Variants in TLL2 observed in about 807,000 individuals in gnomAD.
The protein encoded by TLL2 is tolloid-like protein 2.
TLL2 carries 106 observed loss-of-function variants against 123.0 expected under a neutral mutation model. The ratio of observed to expected loss-of-function variants is 0.86; its 90% CI spans 0.74 to 1.01. TLL2 has a LOEUF of 1.01. Among genes scored for constraint, TLL2 ranks in the 50% least tolerant of loss-of-function variants. The pLI is 0.00. For synonymous variants in TLL2, 494 were observed against 516.8 expected (o/e 0.96, Z 0.60); for missense variants, 1,332 against 1,336.7 (o/e 1.00, Z 0.06).
At chr10:96,373,435 C>T in intron 19 of TLL2, 161 bp downstream of exon 19, 1 of 693,382 alleles carries the variant, frequency 1.4e-6, no homozygotes, top group African/African-American at 1.8e-5. Flanking sequence ...GCCACCACGC[C>T]CAGCTTGATG....
intron 16 of TLL2, among the ~76,000 whole-genome samples, chr10:96,382,516 T>C (rs1473478641): frequency 6.6e-6 from 1 of 152,260 alleles, no homozygotes; most frequent in East Asian, 1.9e-4. Flanking sequence ...AAGAGGGTGC[T>C]ACGGTTTGAA....
At chr10:96,407,135 G>A (rs541843127) in intron 9 of TLL2, among the ~76,000 whole-genome samples, 60 of 151,992 alleles carry the variant, frequency 3.9e-4, no homozygotes, top group African/African-American at 1.4e-3. Flanking sequence ...AACCTCAGTG[G>A]CTCTCTGTGC....
chr10:96,432,384 C>T (rs972183343), intron 4 of TLL2, among the ~76,000 whole-genome samples: 1 of 152,134 alleles, frequency 6.6e-6, no homozygotes, highest in Non-Finnish European at 1.5e-5. Flanking sequence ...CCTTTGGTCA[C>T]TGAGTGGAAC....
At chr10:96,489,456 G>C (rs1847390691) in intron 1 of TLL2, among the ~76,000 whole-genome samples, 1 of 152,110 alleles carries the variant, frequency 6.6e-6, no homozygotes, top group Non-Finnish European at 1.5e-5. Flanking sequence ...TTGAATCCGG[G>C]AGGTTGAGGC....
chr10:96,421,718 T>C (rs1373335899), intron 6 of TLL2, among the ~76,000 whole-genome samples: 1 of 150,338 alleles, frequency 6.7e-6, no homozygotes, highest in African/African-American at 2.5e-5. Flanking sequence ...GTGCCTGTAA[T>C]CCCAGCTACT....
rs1847196303 is a variant in TLL2 at position 96,472,738 on chromosome 10, AAAATC to A, written c.286+7606_286+7610del. 3.9e-5 allele frequency among the ~76,000 whole-genome samples: 6 copies of A among 152,114 alleles called. 2 individuals are homozygous for A. The South Asian group carries it at 1.2e-3, about 32-fold the overall frequency. ...TGCACTCCAGCCTGAGTGACACAGC[AAAATC>A]CTGTCTCAAAAAAAAGAAAAAAAGA... is the stretch of plus-strand genomic sequence containing the variant. On this transcript the variant is annotated intron_variant, in intron 2 of 20. Coordinates refer to ENST00000357947, the MANE Select transcript of TLL2 (RefSeq NM_012465.4).
chr10:96,418,722 AATAT>A (rs1846589984), intron 7 of TLL2, among the ~76,000 whole-genome samples: 1 of 147,926 alleles, frequency 6.8e-6, no homozygotes, highest in Non-Finnish European at 1.5e-5. Flanking sequence ...TGTATATATA[AATAT>A]ATAAATTAAT....
At chr10:96,421,099 A>C in intron 6 of TLL2, 38 bp from the exon 7 acceptor site, 1 of 1,548,700 alleles carries the variant, frequency 6.5e-7, no homozygotes, top group Non-Finnish European at 8.9e-7. Context: ...TTGAAAACCA[A>C]GTCAGGCACC....
At chr10:96,408,093 C>A (rs1163524800) in intron 9 of TLL2, among the ~76,000 whole-genome samples, 1 of 152,198 alleles carries the variant, frequency 6.6e-6, no homozygotes, top group Non-Finnish European at 1.5e-5. Flanking sequence ...CCTTAGATTT[C>A]TGTCCTATCC....
chr10:96,468,986 C>T (rs1402407357), intron 2 of TLL2, among the ~76,000 whole-genome samples: 1 of 152,246 alleles, frequency 6.6e-6, no homozygotes, highest in Admixed American at 6.5e-5. Flanking sequence ...AGCAGATGTG[C>T]ACGTTATCAG....
chr10:96,376,750 G>C lies in TLL2; in HGVS notation c.2390C>G (p.Pro797Arg). Reference sequence around the variant, plus strand: ...GTTCCAGGTACACTCCCTCCGGCTGGGGTATTTGTCAGGCCAGTTGGGGCT... The same window carrying C: ...GTTCCAGGTACACTCCCTCCGGCTGCGGTATTTGTCAGGCCAGTTGGGGCT... ...LASPNWPDKY[P>R]SRRECTWNIS... The change falls in exon 18 of 21, where the codon CCC becomes CGC. Residue 797 changes from proline to arginine, a missense_variant. By Grantham distance (103) the Pro-to-Arg change is moderately radical. Coordinates refer to ENST00000357947, the MANE Select transcript of TLL2 (RefSeq NM_012465.4). The C allele has an allele frequency of 1.2e-6, 2 of 1,605,056 alleles. No individual in the cohort carries two copies. Among genetic ancestry groups the C allele is most frequent in the Non-Finnish European group, 1.7e-6 (2 of 1,176,408 alleles).
At chr10:96,371,159 T>C (rs2134049931) in intron 19 of TLL2, among the ~76,000 whole-genome samples, 1 of 151,964 alleles carries the variant, frequency 6.6e-6, no homozygotes, top group East Asian at 1.9e-4. Context: ...CTGTCTCTAC[T>C]GAAAATACAA....
rs760239990 is a variant in TLL2, at chr10:96,422,518, T to C, written c.817+31A>G. The C allele has an allele frequency of 3.5e-5, 56 of 1,612,270 alleles. No individual in the cohort carries two copies. In the South Asian group the frequency reaches 6.0e-4, roughly 17 times the overall value. ...CTGAGGTTGCCACCTTCTCGACCGGTGCCTTCCAGACTCCACACAGGCCTC... is the reference window on the plus strand; with the variant it reads ...CTGAGGTTGCCACCTTCTCGACCGGCGCCTTCCAGACTCCACACAGGCCTC... On this transcript the variant is annotated intron_variant, in intron 6 of 20. Transcript: ENST00000357947.
At chr10:96,441,281 C>A (rs1846848746) in intron 3 of TLL2, among the ~76,000 whole-genome samples, 1 of 152,236 alleles carries the variant, frequency 6.6e-6, no homozygotes, top group Non-Finnish European at 1.5e-5. Flanking sequence ...ATAACCCTCA[C>A]CCCAAAGGTG....
At chr10:96,460,582 A>C (rs1242221673) in intron 2 of TLL2, among the ~76,000 whole-genome samples, 2 of 152,122 alleles carry the variant, frequency 1.3e-5, no homozygotes, top group Non-Finnish European at 2.9e-5. Context: ...AGTTCTCACA[A>C]GATCTGATTG....
chr10:96,451,024 C>T lies in TLL2; in HGVS notation c.287-4856G>A, dbSNP rs979132807. 5.9e-5 allele frequency among the ~76,000 whole-genome samples: 9 copies of T among 152,160 alleles called. No homozygotes were observed. The East Asian group carries it at 1.7e-3, about 29-fold the overall frequency. ...GCTGGTCTCTGGGAAAGAATGCCCTCCAGGCCTTGAAAAGAGAGCTCCCGG... is the reference window on the plus strand; with the variant it reads ...GCTGGTCTCTGGGAAAGAATGCCCTTCAGGCCTTGAAAAGAGAGCTCCCGG... On this transcript the variant is annotated intron_variant, in intron 2 of 20. Transcript: ENST00000357947.
At chr10:96,459,060 C>A (rs868508861) in intron 2 of TLL2, among the ~76,000 whole-genome samples, 14 of 152,154 alleles carry the variant, frequency 9.2e-5, no homozygotes, top group African/African-American at 3.4e-4. Context: ...GCATTTTTAT[C>A]GCAATTTATG....
chr10:96,386,289 T>C (rs1846234682), intron 14 of TLL2, 74 bp from the exon 15 acceptor site: 1 of 1,400,046 alleles, frequency 7.1e-7, no homozygotes, highest in Non-Finnish European at 9.6e-7. Context: ...CCAGGAGCAA[T>C]AGAGCCTTGC....
chr10:96,469,106 G>A (rs958617949), intron 2 of TLL2, among the ~76,000 whole-genome samples: 2 of 152,230 alleles, frequency 1.3e-5, no homozygotes, highest in Admixed American at 1.3e-4. Flanking sequence ...TTTCCAGCTA[G>A]CACCTGCTGA....
Sources: gnomAD v4.1 joint callset for allele counts (sites outside exome capture counted in the v4.1 genomes callset) on GRCh38, gnomAD v4.1.1 for gene constraint, MANE v1.5 for transcripts, NCBI Gene and HGNC (gene_info 2026-07-23, HGNC 2026-07-21) for gene names.